The following TBK1 variants were observed in gnomAD, a reference collection of about 807,000 sequenced individuals.
TBK1 encodes the protein TANK binding kinase 1.
In TBK1, 37 loss-of-function variants were observed where a neutral mutation model predicts 99.9. The observed-to-expected ratio is 0.37, with a 90% CI of 0.28 to 0.49. The LOEUF (loss-of-function observed/expected upper bound fraction) is 0.49. Ranked by LOEUF, TBK1 falls within the 20% of genes least tolerant of loss-of-function variation. The pLI, the probability that TBK1 is intolerant of heterozygous loss-of-function variation, is 0.98. For synonymous variants in TBK1, 258 were observed against 279.8 expected (o/e 0.92, Z 0.78); for missense variants, 644 against 872.5 (o/e 0.74, Z 3.30).
In TBK1 at chr12:64,497,322, A is replaced by G. The variant is rs537422194; in HGVS notation, c.1959+63A>G. The G allele has an allele frequency of 4.1e-6, 5 of 1,221,846 alleles. No individual in the cohort carries two copies. In the African/African-American group the frequency reaches 7.7e-5, roughly 19 times the overall value. The allele number at this position is 1,221,846 out of a possible 1,614,324, so 75.7% of individuals were successfully genotyped here. On this transcript the variant is annotated intron_variant, in intron 18 of 20. Coordinates refer to ENST00000331710, the MANE Select transcript of TBK1 (RefSeq NM_013254.4). ...CAGTTTATAACTGATAGTGATTGAC[A>G]AGGGAGAAATGGGATAGAATGTGCC...
intron 13 of TBK1, 170 bp from the exon 14 acceptor site, chr12:64,495,313 G>A (rs2136086831): frequency 1.3e-6 from 1 of 748,270 alleles, no homozygotes; most frequent in South Asian, 2.0e-5. Context: ...TACCCCTGGT[G>A]GAAATCAACC....
intron 8 of TBK1, among the ~76,000 whole-genome samples, 195 bp downstream of exon 8, chr12:64,482,216 A>G (rs544190600): frequency 1.1e-4 from 16 of 152,310 alleles, no homozygotes; most frequent in African/African-American, 3.4e-4. Flanking sequence ...TCTAAAATTT[A>G]TAGTTAAATT....
At chr12:64,459,789 A>T (rs772224970) in intron 2 of TBK1, among the ~76,000 whole-genome samples, 1 of 152,146 alleles carries the variant, frequency 6.6e-6, no homozygotes, top group Non-Finnish European at 1.5e-5. Flanking sequence ...TCCTGCTTTG[A>T]TTAGTTTAAA....
intron 20 of TBK1, among the ~76,000 whole-genome samples, chr12:64,500,630 A>C (rs940803644): frequency 4.6e-5 from 7 of 152,126 alleles, no homozygotes; most frequent in Admixed American, 2.6e-4. Flanking sequence ...CAAAGAGTGT[A>C]ATAGCCTGGT....
intron 5 of TBK1, among the ~76,000 whole-genome samples, chr12:64,469,793 T>TG (rs11447930): frequency 1.4e-5 from 1 of 70,890 alleles, no homozygotes. Context: ...CACCCAGTAC[T>TG]TTTTTTTTTT....
At chr12:64,454,991 CT>C (rs55853717) in intron 1 of TBK1, among the ~76,000 whole-genome samples, 91,053 of 108,070 alleles carry the variant, frequency 0.84, 38,000 homozygotes, top group Admixed American at 0.9. Context: ...TTTTTTTTTT[CT>C]TTTTTTTTTT....
chr12:64,485,878 C>T (rs2040815721), intron 10 of TBK1, 48 bp from the exon 11 acceptor site: 6 of 1,376,896 alleles, frequency 4.4e-6, no homozygotes, highest in African/African-American at 1.5e-5. Context: ...TTTTTCTTAC[C>T]CTATACCACA....
intron 5 of TBK1, among the ~76,000 whole-genome samples, chr12:64,471,666 T>C (rs1376560398): frequency 6.6e-6 from 1 of 152,190 alleles, no homozygotes; most frequent in Non-Finnish European, 1.5e-5. Context: ...TTCTACTGTT[T>C]TTAATATGAT....
chr12:64,495,890 G>T, intron 15 of TBK1, 115 bp downstream of exon 15: 1 of 646,492 alleles, frequency 1.5e-6, no homozygotes. Context: ...GTTTTTTTCA[G>T]AGATGTGATT....
intron 20 of TBK1, among the ~76,000 whole-genome samples, chr12:64,500,907 C>T (rs1478373004): frequency 3.3e-5 from 5 of 151,926 alleles, no homozygotes; most frequent in African/African-American, 7.3e-5. Flanking sequence ...TATAGGCACA[C>T]GCTACCACAC....
chr12:64,455,220 A>G (rs1215834616), intron 1 of TBK1, among the ~76,000 whole-genome samples: 1 of 150,050 alleles, frequency 6.7e-6, no homozygotes, highest in Non-Finnish European at 1.5e-5. Flanking sequence ...TCCTGGCTTC[A>G]GGTGATCTGC....
At chr12:64,471,696 T>C (rs1419287249) in intron 5 of TBK1, among the ~76,000 whole-genome samples, 1 of 152,116 alleles carries the variant, frequency 6.6e-6, no homozygotes, top group Admixed American at 6.6e-5. Flanking sequence ...CTCAGTAATA[T>C]AATCCTGAAA....
chr12:64,453,701 T>G (rs1378884987), intron 1 of TBK1, among the ~76,000 whole-genome samples: 1 of 152,228 alleles, frequency 6.6e-6, no homozygotes, highest in African/African-American at 2.4e-5. Flanking sequence ...TTAAAATCCA[T>G]GTTTTAATGA....
intron 2 of TBK1, among the ~76,000 whole-genome samples, chr12:64,458,448 T>C (rs1360781445): frequency 6.6e-6 from 1 of 151,602 alleles, no homozygotes; most frequent in East Asian, 1.9e-4. Flanking sequence ...TGTGTGTGAT[T>C]ACCATGGTGA....
At chr12:64,471,825 T>G (rs2040665165) in intron 5 of TBK1, among the ~76,000 whole-genome samples, 1 of 150,978 alleles carries the variant, frequency 6.6e-6, no homozygotes, top group Admixed American at 6.6e-5. Context: ...CAGACCAGCA[T>G]GTGTCAAGCC....
At chr12:64,472,028 C>A (rs571223469) in intron 5 of TBK1, among the ~76,000 whole-genome samples, 2 of 151,964 alleles carry the variant, frequency 1.3e-5, no homozygotes, top group Non-Finnish European at 2.9e-5. Context: ...ACCATTTACA[C>A]ACTAAGTACC....
Position 64,498,035 on chromosome 12 carries a change from GA to G in TBK1, c.2137del (p.Arg713GlyfsTer5). ...ACTTGCTGAAAATAACCACATTTTA[GA>G]AAGGTGAGTAATGCAAAAATAATTA... is the stretch of plus-strand genomic sequence containing the variant. ...KELAENNHIL[E>X]RFGSLTMDGG... On this transcript the variant is annotated frameshift_variant, in exon 20 of 21. Transcript: ENST00000331710. LOFTEE classifies it high-confidence loss of function. 1 of 1,602,200 alleles carries G rather than the reference GA, an allele frequency of 6.2e-7. No individual in the cohort carries two copies. The highest frequency in any genetic ancestry group is 8.5e-7 in the Non-Finnish European group (1 of 1,177,006).
At chr12:64,467,241 CGCTTCCAA>C (rs2040616280) in intron 5 of TBK1, among the ~76,000 whole-genome samples, 159 bp downstream of exon 5, 1 of 152,116 alleles carries the variant, frequency 6.6e-6, no homozygotes, top group Admixed American at 6.5e-5. Context: ...ATTAGGTACT[CGCTTCCAA>C]GGGTGCTGTT....
chr12:64,496,332 A>G (rs756297016), intron 15 of TBK1, 35 bp from the exon 16 acceptor site: 30 of 1,021,150 alleles, frequency 2.9e-5, no homozygotes, highest in African/African-American at 2.2e-4. Context: ...TTATGATTCT[A>G]TATTAACAAC....
Sources: allele counts gnomAD v4.1 joint callset (sites outside exome capture counted in the v4.1 genomes callset), GRCh38; gene constraint gnomAD v4.1.1; transcripts MANE v1.5; gene names NCBI Gene and HGNC (gene_info 2026-07-23, HGNC 2026-07-21).